Variants in CCDC171 observed in about 807,000 individuals in gnomAD.
The protein encoded by CCDC171 is coiled-coil domain containing 171.
In CCDC171, 177 loss-of-function variants were observed where a neutral mutation model predicts 168.2. The observed-to-expected ratio is 1.05, with a 90% CI of 0.93 to 1.19. The LOEUF is 1.19. Ranked by LOEUF, CCDC171 falls within the 50% of genes most tolerant of loss-of-function variation. CCDC171 has a pLI of 0.00. For synonymous variants in CCDC171, 687 were observed against 540.8 expected, an observed-to-expected ratio of 1.27 and a Z score of -3.75; for missense variants, 1,991 against 1,539.0, an observed-to-expected ratio of 1.29 and a Z score of -4.91.
intron 7 of CCDC171, among the ~76,000 whole-genome samples, chr9:15,630,069 A>C (rs553618674): frequency 1.5e-4 from 23 of 152,334 alleles, no homozygotes; most frequent in African/African-American, 5.3e-4. Context: ...GCCATTGCAA[A>C]ATCATGCCAG....
At chr9:15,736,455 A>G (rs748515796) in intron 16 of CCDC171, among the ~76,000 whole-genome samples, 1 of 151,718 alleles carries the variant, frequency 6.6e-6, no homozygotes. Flanking sequence ...GGCTTAAGAG[A>G]TTCCCCCACC....
chr9:15,629,579 T>A (rs181156666), intron 7 of CCDC171, among the ~76,000 whole-genome samples: 1 of 152,074 alleles, frequency 6.6e-6, no homozygotes, highest in East Asian at 1.9e-4. Context: ...ACGGGGAGAA[T>A]GGAACCAAGT....
At chr9:15,699,033 T>C (rs931961227) in intron 11 of CCDC171, among the ~76,000 whole-genome samples, 2 of 152,216 alleles carry the variant, frequency 1.3e-5, no homozygotes, top group Non-Finnish European at 2.9e-5. Context: ...CCGGAATTGG[T>C]GGTTACTTGG....
intron 11 of CCDC171, among the ~76,000 whole-genome samples, chr9:15,699,240 C>T (rs771428013): frequency 2.0e-4 from 31 of 151,764 alleles, no homozygotes; most frequent in African/African-American, 5.3e-4. Context: ...CTTAAGGTGG[C>T]GCGTCTGGAG....
At chr9:15,645,219 A>T (rs1434313767) in intron 7 of CCDC171, among the ~76,000 whole-genome samples, 1 of 152,220 alleles carries the variant, frequency 6.6e-6, no homozygotes, top group Non-Finnish European at 1.5e-5. Context: ...AAGGACATTC[A>T]CACCAAAACC....
intron 6 of CCDC171, among the ~76,000 whole-genome samples, chr9:15,594,379 T>G (rs2042193390): frequency 6.6e-6 from 1 of 152,152 alleles, no homozygotes; most frequent in Non-Finnish European, 1.5e-5. Flanking sequence ...TGATTTCCAT[T>G]GCATACCTTA....
Position 15,666,294 on chromosome 9 carries a change from T to G in CCDC171, c.1047T>G (p.Asn349Lys), listed in dbSNP as rs377566421. 6 of 1,612,138 alleles carry G rather than the reference T, an allele frequency of 3.7e-6. No homozygotes were observed. In the Admixed American group the frequency reaches 1.0e-4, roughly 27 times the overall value. ...GTGCATATGAGCGAGAAAAGCATAA[T>G]GCACAAGAGAGCTTTGCAAAACTAA... ...VESAYEREKH[N>K]AQESFAKLNL... is the part of the protein sequence containing the mutation. The change falls in exon 9 of 26, where the codon AAT (asparagine) becomes AAG (lysine). Residue 349 changes from asparagine (N) to lysine (K), a missense_variant. Transcript: ENST00000380701.
At chr9:15,911,978 G>T (rs536018676) in intron 24 of CCDC171, among the ~76,000 whole-genome samples, 1 of 152,304 alleles carries the variant, frequency 6.6e-6, no homozygotes, top group Admixed American at 6.5e-5. Flanking sequence ...AAGTCAGGTC[G>T]TGTGATCCCT....
At chr9:15,815,808 A>G (rs2059543610) in intron 21 of CCDC171, among the ~76,000 whole-genome samples, 1 of 117,118 alleles carries the variant, frequency 8.5e-6, no homozygotes, top group Non-Finnish European at 1.9e-5. Context: ...ACTTAATTTA[A>G]AAGTCTTATC....
In CCDC171 at chr9:15,874,535, A is replaced by G. The variant is rs1298246789; in HGVS notation, c.3472A>G (p.Arg1158Gly). 1.3e-6 allele frequency: 2 copies of G among 1,597,132 alleles called. No individual in the cohort carries two copies. Among genetic ancestry groups the G allele is most frequent in the East Asian group, 2.3e-5 (1 of 43,820 alleles). The change falls in exon 24 of 26, where the codon AGA (arginine) becomes GGA (glycine). Residue 1158 changes from arginine (R) to glycine (G), a missense_variant. Physicochemically the swap from Arg to Gly is moderately radical, Grantham distance 125. Transcript: ENST00000380701. ...RAVENTLHKV[R>G]DQISLSWSAA... ...GATGCTGTTTTTTTCCCTTTAGGTCAGAGATCAGATCTCGCTGTCATGGTC... is the reference window on the plus strand; with the variant it reads ...GATGCTGTTTTTTTCCCTTTAGGTCGGAGATCAGATCTCGCTGTCATGGTC...
At chr9:15,671,361 T>G (rs921997183) in intron 9 of CCDC171, among the ~76,000 whole-genome samples, 5 of 152,084 alleles carry the variant, frequency 3.3e-5, no homozygotes, top group Non-Finnish European at 7.4e-5. Context: ...TTATCTTTAT[T>G]TTTTGGCCTT....
chr9:15,682,451 G>A (rs1327845680), intron 10 of CCDC171, among the ~76,000 whole-genome samples: 1 of 151,748 alleles, frequency 6.6e-6, no homozygotes, highest in Non-Finnish European at 1.5e-5. Flanking sequence ...AAATTTAATT[G>A]TACTTTATTT....
chr9:15,679,484 T>C (rs1329381148), intron 10 of CCDC171, among the ~76,000 whole-genome samples: 1 of 152,184 alleles, frequency 6.6e-6, no homozygotes, highest in Non-Finnish European at 1.5e-5. Flanking sequence ...TACCCTCTTA[T>C]TTTGCCTTTG....
the CCDC171 span, among the ~76,000 whole-genome samples, chr9:16,079,932 C>G: frequency 6.6e-6 from 1 of 152,128 alleles, no homozygotes; most frequent in Non-Finnish European, 1.5e-5. Flanking sequence ...GAAACTGAGG[C>G]ACAGAGGGAT....
At chr9:15,840,357 G>C (rs192694086) in intron 21 of CCDC171, among the ~76,000 whole-genome samples, 5 of 152,122 alleles carry the variant, frequency 3.3e-5, no homozygotes, top group Admixed American at 1.3e-4. Flanking sequence ...TTAATTCATA[G>C]CTCGACTCGT....
chr9:15,752,176 G>A (rs1221774744), intron 18 of CCDC171, among the ~76,000 whole-genome samples: 2 of 152,184 alleles, frequency 1.3e-5, no homozygotes, highest in African/African-American at 4.8e-5. Context: ...CTGGTCATCA[G>A]AGAAATGCGA....
chr9:15,748,782 T>C (rs1312444965), intron 18 of CCDC171, among the ~76,000 whole-genome samples: 1 of 152,164 alleles, frequency 6.6e-6, no homozygotes, highest in Non-Finnish European at 1.5e-5. Context: ...CTGAGAGATT[T>C]TGTCACCACC....
chr9:15,823,262 C>T (rs2059869855), intron 21 of CCDC171, among the ~76,000 whole-genome samples: 2 of 151,950 alleles, frequency 1.3e-5, no homozygotes, highest in African/African-American at 4.8e-5. Flanking sequence ...CAACATGGCA[C>T]ATGTATACGT....
rs1349572896 is a variant in CCDC171 at position 15,973,951 on chromosome 9, G to A, written c.*2115G>A. 1.3e-5 allele frequency: 2 copies of A among 152,038 alleles called. No individual in the cohort carries two copies. The highest frequency in any genetic ancestry group is 2.9e-5 in the Non-Finnish European group (2 of 68,004). 9.4% of individuals were successfully genotyped at this position (152,038 alleles called of 1,614,324 possible). ...AGGAACAAGCAGCTTTGTAAAATGTGCCTTGGAAAGGCCTTGGTCTTCTTG... is the reference window on the plus strand; with the variant it reads ...AGGAACAAGCAGCTTTGTAAAATGTACCTTGGAAAGGCCTTGGTCTTCTTG... On this transcript the variant is annotated 3_prime_UTR_variant, in exon 26 of 26. Coordinates refer to ENST00000380701, the MANE Select transcript of CCDC171 (RefSeq NM_173550.4).
Sources: gnomAD v4.1 joint callset for allele counts (sites outside exome capture counted in the v4.1 genomes callset) on GRCh38, gnomAD v4.1.1 for gene constraint, MANE v1.5 for transcripts, NCBI Gene and HGNC (gene_info 2026-07-23, HGNC 2026-07-21) for gene names.